The following OSTN variants were observed in gnomAD, a reference collection of about 807,000 sequenced individuals.
The protein encoded by OSTN is osteocrin.
OSTN carries 9 observed loss-of-function variants against 12.0 expected under a neutral mutation model. The observed-to-expected ratio is 0.75, with a 90% CI of 0.45 to 1.30. OSTN has a LOEUF of 1.30. Among genes scored for constraint, OSTN ranks in the 50% most tolerant of loss-of-function variants. The pLI, the probability that OSTN is intolerant of heterozygous loss-of-function variation, is 0.00. For synonymous variants in OSTN, 59 were observed against 56.9 expected (o/e 1.04, Z -0.16); for missense variants, 148 against 152.3 (o/e 0.97, Z 0.15).
At chr3:191,217,014 T>A (rs2108531603) in intron 2 of OSTN, 1 of 151,938 alleles carries the variant, frequency 6.6e-6, no homozygotes, top group East Asian at 1.9e-4. Context: ...CATACTGCTA[T>A]AAAGAACTGC....
intron 2 of OSTN, among the ~76,000 whole-genome samples, chr3:191,214,477 C>T (rs1714554612): frequency 6.8e-6 from 1 of 147,194 alleles, no homozygotes; most frequent in African/African-American, 2.5e-5. Context: ...AACAAAAAAC[C>T]ACCACTGATG....
At chr3:191,254,978 T>G (rs1291232652) in intron 4 of OSTN, among the ~76,000 whole-genome samples, 1 of 152,172 alleles carries the variant, frequency 6.6e-6, no homozygotes, top group Non-Finnish European at 1.5e-5. Flanking sequence ...CCTGGGCCTG[T>G]CAGAAAGTGA....
At chr3:191,260,587 C>G (rs1715784164) in intron 4 of OSTN, among the ~76,000 whole-genome samples, 1 of 152,142 alleles carries the variant, frequency 6.6e-6, no homozygotes, top group Non-Finnish European at 1.5e-5. Flanking sequence ...ACAAAAGCTC[C>G]TTATGGACAG....
chr3:191,207,048 A>G (rs1428742342), intron 1 of OSTN, among the ~76,000 whole-genome samples: 1 of 152,216 alleles, frequency 6.6e-6, no homozygotes, highest in Non-Finnish European at 1.5e-5. Context: ...TGGTGTCAGA[A>G]CTAAGGCCCC....
intron 3 of OSTN, among the ~76,000 whole-genome samples, chr3:191,233,756 G>A (rs1337259774): frequency 2.0e-5 from 3 of 152,170 alleles, no homozygotes; most frequent in African/African-American, 7.2e-5. Context: ...CACTTTGGGA[G>A]GCCGAGGCAG....
intron 3 of OSTN, among the ~76,000 whole-genome samples, chr3:191,237,281 A>C (rs1217585503): frequency 1.3e-5 from 2 of 152,362 alleles, no homozygotes; most frequent in African/African-American, 4.8e-5. Context: ...TTCACTTAGA[A>C]TATATGCATT....
At position 191,262,935 on chromosome 3, in the gene OSTN, A is replaced by G; in HGVS notation, c.*82A>G. The stretch of plus-strand genomic sequence containing the variant: ...TTCACTGAAGTTATTCACACTTCTT[A>G]ATGATTAAACTTTTAAGGAACTGAC... On this transcript the variant is annotated 3_prime_UTR_variant, in exon 5 of 5. Transcript: ENST00000682035. 1 of 700,262 alleles carries G rather than the reference A, an allele frequency of 1.4e-6. No individual in the cohort carries two copies. The allele number at this position is 700,262 out of a possible 1,614,324, so 43.4% of individuals were successfully genotyped here.
intron 3 of OSTN, among the ~76,000 whole-genome samples, chr3:191,231,887 T>C (rs1256398036): frequency 6.6e-6 from 1 of 152,194 alleles, no homozygotes; most frequent in South Asian, 2.1e-4. Context: ...TTTAGAGTGA[T>C]AGAATTTATG....
intron 1 of OSTN, among the ~76,000 whole-genome samples, chr3:191,207,807 C>T (rs1169694198): frequency 6.6e-6 from 1 of 152,090 alleles, no homozygotes; most frequent in African/African-American, 2.4e-5. Context: ...ACATAAATGA[C>T]AAAATTTTAT....
intron 1 of OSTN, among the ~76,000 whole-genome samples, chr3:191,206,918 TTA>T (rs1348945698): frequency 6.6e-6 from 1 of 152,192 alleles, no homozygotes; most frequent in Admixed American, 6.5e-5. Context: ...GAAGAACGTA[TTA>T]TGTTTTACAG....
At position 191,202,427 on chromosome 3, in the gene OSTN, T is replaced by G. The variant is rs1160978346; in HGVS notation, c.-1+3120T>G. On this transcript the variant is annotated intron_variant, in intron 1 of 4. Transcript: ENST00000682035. ...CAGGAAGACAGAGAAAGTATCTTCT[T>G]TACTTTTATATCCCCAGTATCTGAC... is the stretch of plus-strand genomic sequence containing the variant. Among the ~76,000 whole-genome samples, 3 of 152,204 alleles carry G rather than the reference T, an allele frequency of 2.0e-5. No homozygotes were observed. The East Asian group carries it at 5.8e-4, about 29-fold the overall frequency.
At chr3:191,235,656 C>T (rs1020338618) in intron 3 of OSTN, among the ~76,000 whole-genome samples, 36 of 152,270 alleles carry the variant, frequency 2.4e-4, no homozygotes, top group African/African-American at 8.4e-4. Context: ...TCATCCTCAC[C>T]CTACTCTCTC....
At chr3:191,224,262 A>C (rs1003592748) in intron 3 of OSTN, among the ~76,000 whole-genome samples, 1 of 152,050 alleles carries the variant, frequency 6.6e-6, no homozygotes, top group African/African-American at 2.4e-5. Flanking sequence ...CTGTAATCCC[A>C]GCTACTTGGG....
chr3:191,236,564 C>T (rs1715196921), intron 3 of OSTN, among the ~76,000 whole-genome samples: 1 of 150,980 alleles, frequency 6.6e-6, no homozygotes, highest in Non-Finnish European at 1.5e-5. Flanking sequence ...AAAAAACAAT[C>T]CTTGGGGAGA....
chr3:191,219,159 G>C (rs1354935319), intron 3 of OSTN, among the ~76,000 whole-genome samples, 198 bp downstream of exon 3: 1 of 152,208 alleles, frequency 6.6e-6, no homozygotes, highest in Non-Finnish European at 1.5e-5. Context: ...CTGCCGCAGT[G>C]TGCCTTAGCA....
chr3:191,200,267 T>C (rs1714123362), intron 1 of OSTN, among the ~76,000 whole-genome samples: 1 of 152,128 alleles, frequency 6.6e-6, no homozygotes, highest in Non-Finnish European at 1.5e-5. Flanking sequence ...CAGGTCTCCT[T>C]CATGTCAGTG....
At chr3:191,233,799 G>A (rs1715120312) in intron 3 of OSTN, among the ~76,000 whole-genome samples, 1 of 152,146 alleles carries the variant, frequency 6.6e-6, no homozygotes, top group African/African-American at 2.4e-5. Context: ...TTTGAGACCA[G>A]CATGACCAAC....
chr3:191,243,305 T>C (rs1715361070), intron 3 of OSTN, among the ~76,000 whole-genome samples: 1 of 152,186 alleles, frequency 6.6e-6, no homozygotes, highest in African/African-American at 2.4e-5. Flanking sequence ...GAATATATTG[T>C]AGAGGAATCC....
intron 3 of OSTN, among the ~76,000 whole-genome samples, chr3:191,241,848 G>C (rs1297857754): frequency 6.6e-6 from 1 of 152,002 alleles, no homozygotes; most frequent in East Asian, 1.9e-4. Flanking sequence ...TAACCAAAAA[G>C]AAGGTGCAAT....
Sources: gnomAD v4.1 joint callset for allele counts (sites outside exome capture counted in the v4.1 genomes callset) on GRCh38, gnomAD v4.1.1 for gene constraint, MANE v1.5 for transcripts, NCBI Gene and HGNC (gene_info 2026-07-23, HGNC 2026-07-21) for gene names.